The following FGD4 variants were observed in gnomAD, a reference collection of about 807,000 sequenced individuals.
FGD4 encodes the protein FYVE, RhoGEF and PH domain-containing protein 4.
FGD4 carries 42 observed loss-of-function variants against 102.0 expected under a neutral mutation model. The observed-to-expected ratio is 0.41, with a 90% confidence interval of 0.32 to 0.53. The LOEUF is 0.53. Ranked by LOEUF, FGD4 falls within the 20% of genes least tolerant of loss-of-function variation. The pLI is 0.21. For synonymous variants in FGD4, 380 were observed against 375.7 expected (o/e 1.01, Z -0.13); for missense variants, 902 against 1,078.2 (o/e 0.84, Z 2.29).
At chr12:32,567,241 A>C (rs2136305669) in intron 2 of FGD4, among the ~76,000 whole-genome samples, 1 of 152,304 alleles carries the variant, frequency 6.6e-6, no homozygotes, top group African/African-American at 2.4e-5. Flanking sequence ...TACTTTGTGT[A>C]ATAAATATGC....
rs1951123056 is a variant in FGD4 at position 32,640,822 on chromosome 12, C to T, written c.*289C>T. On this transcript the variant is annotated 3_prime_UTR_variant, in exon 17 of 17. Transcript: ENST00000534526. Reference sequence around the variant, plus strand: ...ATGGTGTATCAATTGATTCTGTCACCGTCAGGTTAGAATGAGCACTTCCAT... The same window carrying T: ...ATGGTGTATCAATTGATTCTGTCACTGTCAGGTTAGAATGAGCACTTCCAT... The T allele has an allele frequency of 8.5e-6, 5 of 591,682 alleles. No individual in the cohort carries two copies. Among genetic ancestry groups the T allele is most frequent in the East Asian group, 2.8e-5 (1 of 35,694 alleles). 36.7% of individuals were successfully genotyped at this position (591,682 alleles called of 1,614,324 possible). A position where few individuals can be genotyped will look rare whatever the true frequency, so the allele number is the denominator to read the frequency against.
intron 1 of FGD4, among the ~76,000 whole-genome samples, chr12:32,549,683 A>T (rs1015064769): frequency 6.6e-6 from 1 of 152,198 alleles, no homozygotes; most frequent in African/African-American, 2.4e-5. Context: ...TGAGATTGAA[A>T]ATGAGGGCAC....
At chr12:32,406,537 G>T (rs1940941803) in intron 1 of FGD4, among the ~76,000 whole-genome samples, 2 of 151,760 alleles carry the variant, frequency 1.3e-5, no homozygotes, top group East Asian at 4.0e-4. Flanking sequence ...CTGGGTGACA[G>T]AGCTAGACTC....
intron 1 of FGD4, chr12:32,486,139 G>C (rs1265615338): frequency 6.5e-7 from 1 of 1,527,712 alleles, no homozygotes; most frequent in Non-Finnish European, 8.7e-7. Flanking sequence ...CTTTTATGGG[G>C]GGCTGTGAGT....
intron 10 of FGD4, among the ~76,000 whole-genome samples, chr12:32,615,904 G>T (rs868503366): frequency 2.0e-5 from 3 of 152,074 alleles, no homozygotes; most frequent in South Asian, 4.1e-4. Flanking sequence ...AATACAGGGG[G>T]TGACTGCGGG....
intron 15 of FGD4, among the ~76,000 whole-genome samples, chr12:32,637,057 T>C (rs1428201954): frequency 6.7e-6 from 1 of 148,302 alleles, no homozygotes; most frequent in Non-Finnish European, 1.5e-5. Context: ...TCTTTTTTTT[T>C]TTTTTTTTTT....
chr12:32,596,169 G>A (rs77258506), intron 4 of FGD4, among the ~76,000 whole-genome samples: 1 of 152,172 alleles, frequency 6.6e-6, no homozygotes, highest in Admixed American at 6.5e-5. Flanking sequence ...TAGATAGAAA[G>A]TTTTCAATAC....
intron 4 of FGD4, among the ~76,000 whole-genome samples, chr12:32,593,613 G>A (rs1327193051): frequency 6.6e-6 from 1 of 152,138 alleles, no homozygotes; most frequent in African/African-American, 2.4e-5. Flanking sequence ...ATTCTGATAA[G>A]CTTCCTATTT....
At chr12:32,502,481 C>A in intron 1 of FGD4, 1 of 360,058 alleles carries the variant, frequency 2.8e-6, no homozygotes, top group Non-Finnish European at 3.9e-6. Context: ...TGATTTTATG[C>A]AGTTCAATAA....
Position 32,564,245 on chromosome 12 carries a change from G to C in FGD4, c.275G>C (p.Gly92Ala). The change falls in exon 2 of 17, where the codon GGG becomes GCG. Residue 92 changes from glycine to alanine, a missense_variant. Gly to Ala is a moderately conservative substitution (Grantham distance 60). Coordinates refer to ENST00000534526, the MANE Select transcript of FGD4 (RefSeq NM_001370298.3). ...VSEEEAQGINGNRPAKHSAAS... is the reference protein window; with the variant it reads ...VSEEEAQGINANRPAKHSAAS... The stretch of plus-strand genomic sequence containing the variant: ...GAAGAAGAGGCTCAGGGAATAAATG[G>C]GAACAGGCCAGCAAAACACTCAGCT... 1 of 1,536,108 alleles carries C rather than the reference G, an allele frequency of 6.5e-7. No individual in the cohort carries two copies. The highest frequency in any genetic ancestry group is 8.7e-7 in the Non-Finnish European group (1 of 1,146,908).
intron 2 of FGD4, 126 bp from the exon 3 acceptor site, chr12:32,576,140 A>T: frequency 1.0e-6 from 1 of 955,996 alleles, no homozygotes; most frequent in East Asian, 2.6e-5. Context: ...TTAGTTCAAA[A>T]TTTGACACCT....
intron 1 of FGD4, chr12:32,502,210 G>A: frequency 1.0e-6 from 1 of 985,510 alleles, no homozygotes; most frequent in Non-Finnish European, 1.2e-6. Context: ...CCTGTGCTGG[G>A]TGAGATTATC....
At chr12:32,418,246 G>A (rs1215929478) in intron 1 of FGD4, among the ~76,000 whole-genome samples, 3 of 152,098 alleles carry the variant, frequency 2.0e-5, no homozygotes, top group Non-Finnish European at 2.9e-5. Flanking sequence ...GTGAGCCACC[G>A]CGCCTGGCCC....
intron 1 of FGD4, among the ~76,000 whole-genome samples, chr12:32,402,719 A>G (rs1051668247): frequency 1.3e-5 from 2 of 151,958 alleles, no homozygotes; most frequent in Non-Finnish European, 2.9e-5. Flanking sequence ...GCTGAAACTC[A>G]AAATTCTTGT....
intron 1 of FGD4, among the ~76,000 whole-genome samples, chr12:32,525,817 G>A (rs775986957): frequency 1.9e-4 from 29 of 152,252 alleles, no homozygotes; most frequent in Non-Finnish European, 4.1e-4. Context: ...TAGCACCCGG[G>A]CCAGTGGCTG....
chr12:32,481,108 A>G (rs1396371667), intron 1 of FGD4, among the ~76,000 whole-genome samples: 1 of 131,834 alleles, frequency 7.6e-6, no homozygotes, highest in Non-Finnish European at 1.6e-5. Flanking sequence ...AGCCTGGGTG[A>G]CAGAGTGAGA....
At chr12:32,415,572 G>A (rs1941379446) in intron 1 of FGD4, among the ~76,000 whole-genome samples, 1 of 152,008 alleles carries the variant, frequency 6.6e-6, no homozygotes, top group South Asian at 2.1e-4. Flanking sequence ...ACAGGCACCT[G>A]CCACCACGCC....
At chr12:32,426,026 TC>T in intron 1 of FGD4, among the ~76,000 whole-genome samples, 1 of 152,230 alleles carries the variant, frequency 6.6e-6, no homozygotes, top group South Asian at 2.1e-4. Context: ...CAATTTGACT[TC>T]CTCTCTTCCT....
chr12:32,418,458 G>A (rs965079107), intron 1 of FGD4, among the ~76,000 whole-genome samples: 3 of 152,032 alleles, frequency 2.0e-5, no homozygotes, highest in African/African-American at 2.4e-5. Flanking sequence ...GGTTCTTGCC[G>A]ACTTATAGAG....
Sources: gnomAD v4.1 joint callset for allele counts (sites outside exome capture counted in the v4.1 genomes callset) on GRCh38, gnomAD v4.1.1 for gene constraint, MANE v1.5 for transcripts, NCBI Gene and HGNC (gene_info 2026-07-23, HGNC 2026-07-21) for gene names.